Variants in NHLRC2 observed in about 807,000 individuals in gnomAD.
The protein encoded by NHLRC2 is NHL repeat containing 2.
A neutral mutation model predicts 68.1 loss-of-function variants in NHLRC2; 33 were observed. The observed-to-expected ratio is 0.48, with a 90% confidence interval of 0.37 to 0.65. The LOEUF (loss-of-function observed/expected upper bound fraction) is 0.65. Ranked by LOEUF, NHLRC2 falls within the 30% of genes least tolerant of loss-of-function variation. The pLI, the probability that NHLRC2 is intolerant of heterozygous loss-of-function variation, is 0.00. For missense variants in NHLRC2, 761 were observed against 853.8 expected (o/e 0.89, Z 1.35); for synonymous variants, 311 against 309.6 (o/e 1.00, Z -0.05).
In NHLRC2 at chr10:113,916,652, A is replaced by C. The variant is rs970336809; in HGVS notation, c.*8116A>C. Reference sequence around the variant, plus strand: ...AAATGAAAGTTTGCTGTGTGATTGCAGTTTTAAATTATAACATTTCATAAA... The same window carrying C: ...AAATGAAAGTTTGCTGTGTGATTGCCGTTTTAAATTATAACATTTCATAAA... On this transcript the variant is annotated 3_prime_UTR_variant, in exon 11 of 11. Coordinates refer to ENST00000369301, the MANE Select transcript of NHLRC2 (RefSeq NM_198514.4). 1 of 152,178 alleles carries C rather than the reference A, an allele frequency of 6.6e-6. No individual in the cohort carries two copies. The highest frequency in any genetic ancestry group is 2.4e-5 in the African/African-American group (1 of 41,442). 9.4% of individuals were successfully genotyped at this position (152,178 alleles called of 1,614,324 possible).
chr10:113,863,435 TAACAA>T (rs1411533050), intron 2 of NHLRC2, among the ~76,000 whole-genome samples: 1 of 152,024 alleles, frequency 6.6e-6, no homozygotes, highest in Non-Finnish European at 1.5e-5. Context: ...AAACACAATG[TAACAA>T]AACTTATGGC....
At chr10:113,861,731 T>A (rs1351613069) in intron 2 of NHLRC2, among the ~76,000 whole-genome samples, 1 of 152,256 alleles carries the variant, frequency 6.6e-6, no homozygotes, top group Non-Finnish European at 1.5e-5. Flanking sequence ...TCAGTAAAAG[T>A]AAATAATAGG....
In NHLRC2 at chr10:113,884,186, A is replaced by G. The variant is rs964492763; in HGVS notation, c.910-65A>G. Reference sequence around the variant, plus strand: ...GTTCTATTGACTATTGAAAATCTTTACACAGCAAAAGACAAAAGCAAAAGT... The same window carrying G: ...GTTCTATTGACTATTGAAAATCTTTGCACAGCAAAAGACAAAAGCAAAAGT... On this transcript the variant is annotated intron_variant, in intron 4 of 10. Transcript: ENST00000369301. 4.0e-6 allele frequency: 6 copies of G among 1,482,236 alleles called. No homozygotes were observed. The African/African-American group carries it at 7.0e-5, about 17-fold the overall frequency. 91.8% of individuals were successfully genotyped at this position (1,482,236 alleles called of 1,614,324 possible). A position where few individuals can be genotyped will look rare whatever the true frequency, so the allele number is the denominator to read the frequency against.
At chr10:113,873,033 A>C (rs1158803145) in intron 2 of NHLRC2, among the ~76,000 whole-genome samples, 1 of 152,222 alleles carries the variant, frequency 6.6e-6, no homozygotes, top group Non-Finnish European at 1.5e-5. Flanking sequence ...TTAAACATTG[A>C]AAAACAAAGA....
chr10:113,908,394 T>C lies in NHLRC2; in HGVS notation c.2039T>C (p.Val680Ala). 2.5e-6 allele frequency: 4 copies of C among 1,614,158 alleles called. No homozygotes were observed. Among genetic ancestry groups the C allele is most frequent in the Non-Finnish European group, 3.4e-6 (4 of 1,179,986 alleles). The change falls in exon 11 of 11, where the codon GTA becomes GCA. Residue 680 changes from valine (V) to alanine (A), a missense_variant. Physicochemically the swap from Val to Ala is moderately conservative, Grantham distance 64 (BLOSUM62 0). Coordinates refer to ENST00000369301, the MANE Select transcript of NHLRC2 (RefSeq NM_198514.4). ...PDDCLSLEAI[V>A]SVSVFLYYCS... ...GATTGCTTATCACTTGAAGCCATTG[T>C]ATCTGTCAGTGTGTTTCTTTATTAC...
chr10:113,898,138 A>G lies in NHLRC2; in HGVS notation c.1068A>G (p.Leu356=), dbSNP rs749519822. The part of the protein sequence containing the change: ...SGSEVQRGDI[L]WIAMAGTHQI... The stretch of plus-strand genomic sequence containing the variant: ...CAGAGGTCCAAAGAGGTGACATTTT[A>G]TGGATAGCCATGGCAGGGACTCATC... The change falls in exon 6 of 11, where the codon TTA becomes TTG. Residue 356 remains leucine (L), a synonymous_variant. Transcript: ENST00000369301. 3 of 1,612,262 alleles carry G rather than the reference A, an allele frequency of 1.9e-6. No individual in the cohort carries two copies. The highest frequency in any genetic ancestry group is 1.1e-5 in the South Asian group (1 of 91,020).
intron 2 of NHLRC2, among the ~76,000 whole-genome samples, chr10:113,861,861 T>C (rs1054376434): frequency 6.6e-6 from 1 of 152,146 alleles, no homozygotes; most frequent in African/African-American, 2.4e-5. Flanking sequence ...TATTGTAACA[T>C]CACATTTTGT....
chr10:113,876,651 G>C lies in NHLRC2; in HGVS notation c.462G>C (p.Trp154Cys). The C allele has an allele frequency of 6.2e-7, 1 of 1,613,950 alleles. No individual in the cohort carries two copies. Among genetic ancestry groups the C allele is most frequent in the Non-Finnish European group, 8.5e-7 (1 of 1,179,898 alleles). Reference protein sequence around the residue: ...PMVNDADASLWQELEVSCWPT... With the variant: ...PMVNDADASLCQELEVSCWPT... ...TTAATGATGCAGATGCCAGCCTTTG[G>C]CAAGAACTAGAAGTTTCCTGCTGGC... The change falls in exon 3 of 11, where the codon TGG (tryptophan) becomes TGC (cysteine). Residue 154 changes from tryptophan to cysteine, a missense_variant. By Grantham distance (215) the Trp-to-Cys change is radical (BLOSUM62 -2). Transcript: ENST00000369301.
intron 10 of NHLRC2, among the ~76,000 whole-genome samples, chr10:113,906,477 T>A (rs1846275565): frequency 6.6e-6 from 1 of 152,080 alleles, no homozygotes; most frequent in Admixed American, 6.6e-5. Context: ...GAAACACTTA[T>A]TTTTAGCCAA....
At chr10:113,880,647 T>C (rs1846029261) in intron 4 of NHLRC2, among the ~76,000 whole-genome samples, 1 of 151,888 alleles carries the variant, frequency 6.6e-6, no homozygotes, top group Admixed American at 6.6e-5. Context: ...TAGAAAAAAA[T>C]ACATATAATA....
At chr10:113,871,134 C>G (rs916259713) in intron 2 of NHLRC2, among the ~76,000 whole-genome samples, 3 of 149,736 alleles carry the variant, frequency 2.0e-5, no homozygotes, top group Non-Finnish European at 3.0e-5. Flanking sequence ...AAGCAATTCT[C>G]CTGCCTCAGC....
At chr10:113,865,027 G>T (rs1161537905) in intron 2 of NHLRC2, among the ~76,000 whole-genome samples, 1 of 151,104 alleles carries the variant, frequency 6.6e-6, no homozygotes, top group Non-Finnish European at 1.5e-5. Context: ...TCAGCTCACT[G>T]CAAGCTCCGC....
intron 4 of NHLRC2, among the ~76,000 whole-genome samples, chr10:113,883,946 A>G (rs576372426): frequency 1.3e-5 from 2 of 151,998 alleles, no homozygotes; most frequent in African/African-American, 4.8e-5. Flanking sequence ...ATTGTGTTTT[A>G]AAATTTCATT....
chr10:113,904,113 T>C (rs1201391555), intron 9 of NHLRC2, among the ~76,000 whole-genome samples: 1 of 151,192 alleles, frequency 6.6e-6, no homozygotes, highest in Non-Finnish European at 1.5e-5. Flanking sequence ...TTTTTTTTTT[T>C]CAGTGATCTT....
At chr10:113,855,719 G>T (rs1046803642) in intron 1 of NHLRC2, among the ~76,000 whole-genome samples, 12 of 152,076 alleles carry the variant, frequency 7.9e-5, no homozygotes, top group Non-Finnish European at 1.6e-4. Flanking sequence ...GGCTGGTCTC[G>T]ACCTCCTGAT....
At chr10:113,889,994 C>A (rs980928758) in intron 5 of NHLRC2, among the ~76,000 whole-genome samples, 14 of 152,276 alleles carry the variant, frequency 9.2e-5, no homozygotes, top group Admixed American at 6.5e-4. Flanking sequence ...CCTCCATAAA[C>A]GTTTGTGCAC....
At chr10:113,889,216 T>G (rs1846110112) in intron 5 of NHLRC2, among the ~76,000 whole-genome samples, 1 of 152,186 alleles carries the variant, frequency 6.6e-6, no homozygotes, top group Admixed American at 6.5e-5. Context: ...CCCATTAACC[T>G]TTCTTGGCCC....
At chr10:113,881,450 G>T (rs928594567) in intron 4 of NHLRC2, among the ~76,000 whole-genome samples, 10 of 151,596 alleles carry the variant, frequency 6.6e-5, no homozygotes, top group African/African-American at 2.4e-4. Flanking sequence ...TTTTATTTTT[G>T]TTTAAGACCT....
intron 2 of NHLRC2, among the ~76,000 whole-genome samples, chr10:113,871,220 C>G (rs1428731378): frequency 6.6e-6 from 1 of 152,022 alleles, no homozygotes; most frequent in Non-Finnish European, 1.5e-5. Context: ...GACAGAGTTT[C>G]TCCATGTTGG....
Sources: gnomAD v4.1 joint callset for allele counts (sites outside exome capture counted in the v4.1 genomes callset) on GRCh38, gnomAD v4.1.1 for gene constraint, MANE v1.5 for transcripts, NCBI Gene and HGNC (gene_info 2026-07-23, HGNC 2026-07-21) for gene names.